Variants in PATJ observed in about 807,000 individuals in gnomAD.
The protein encoded by PATJ is inaD-like protein.
PATJ carries 190 observed loss-of-function variants against 224.9 expected under a neutral mutation model. The observed-to-expected ratio is 0.84, with a 90% CI of 0.75 to 0.95. PATJ has a LOEUF of 0.95. Ranked by LOEUF, PATJ falls within the 40% of genes least tolerant of loss-of-function variation. PATJ has a pLI of 0.00. For missense variants in PATJ, 2,121 were observed against 2,270.3 expected (o/e 0.93, Z 1.34); for synonymous variants, 769 against 820.3 (o/e 0.94, Z 1.07).
At chr1:62,114,505 T>A (rs983637976) in intron 35 of PATJ, 2 of 328,380 alleles carry the variant, frequency 6.1e-6, no homozygotes, top group Non-Finnish European at 1.1e-5. Flanking sequence ...CAAGGTTCTT[T>A]CACTTGGAAT....
intron 29 of PATJ, among the ~76,000 whole-genome samples, chr1:62,035,781 G>A (rs577077327): frequency 6.6e-6 from 1 of 152,058 alleles, no homozygotes. Context: ...GATCAGTTAG[G>A]TAAAATATGA....
At chr1:61,779,631 C>T (rs971441688) in intron 7 of PATJ, among the ~76,000 whole-genome samples, 1 of 152,102 alleles carries the variant, frequency 6.6e-6, no homozygotes. Flanking sequence ...AGATAATGAG[C>T]GTATTCATTA....
In PATJ at chr1:61,827,518, T is replaced by C. The variant is rs1658487774; in HGVS notation, c.1915T>C (p.Leu639=). Residue 639 remains leucine, a synonymous_variant, in exon 16 of 44, where the codon TTG becomes CTG. Coordinates refer to ENST00000642238, the MANE Select transcript of PATJ (RefSeq NM_001350145.3). Reference sequence around the variant, plus strand: ...TTTTACTTTGGTTTGCTGTCGGAGGTTGTTTGATGATGAAGCTTCTGTAGA... The same window carrying C: ...TTTTACTTTGGTTTGCTGTCGGAGGCTGTTTGATGATGAAGCTTCTGTAGA... ...PPFTLVCCRR[L]FDDEASVDEP... 6.2e-7 allele frequency: 1 copy of C among 1,613,748 alleles called. No homozygotes were observed. Among genetic ancestry groups the C allele is most frequent in the Non-Finnish European group, 8.5e-7 (1 of 1,179,976 alleles).
intron 31 of PATJ, among the ~76,000 whole-genome samples, chr1:62,064,114 T>C (rs1347210491): frequency 4.6e-5 from 7 of 152,204 alleles, no homozygotes; most frequent in Admixed American, 1.3e-4. Flanking sequence ...TTTTACACAA[T>C]CAATATGTTG....
At chr1:61,954,633 A>G (rs1278421211) in intron 27 of PATJ, among the ~76,000 whole-genome samples, 1 of 152,194 alleles carries the variant, frequency 6.6e-6, no homozygotes, top group Non-Finnish European at 1.5e-5. Context: ...GCTGAATGTA[A>G]TGGGGCAGGA....
At chr1:61,814,518 T>TAG (rs1655644028) in intron 14 of PATJ, among the ~76,000 whole-genome samples, 1 of 93,680 alleles carries the variant, frequency 1.1e-5, no homozygotes, top group Non-Finnish European at 2.0e-5. Flanking sequence ...GCCTTTTGTT[T>TAG]AGTGTGTGTG....
chr1:62,143,090 A>G (rs1667661082), intron 41 of PATJ, among the ~76,000 whole-genome samples: 1 of 152,056 alleles, frequency 6.6e-6, no homozygotes, highest in Non-Finnish European at 1.5e-5. Flanking sequence ...TTTGAGAAGG[A>G]TTTTGGAGGT....
intron 21 of PATJ, among the ~76,000 whole-genome samples, chr1:61,882,526 A>G (rs1156648558): frequency 6.6e-6 from 1 of 152,114 alleles, no homozygotes; most frequent in Non-Finnish European, 1.5e-5. Flanking sequence ...CTACCTGTCT[A>G]CCCTCATAAC....
chr1:62,112,313 C>G (rs968307264), intron 34 of PATJ, among the ~76,000 whole-genome samples: 1 of 152,088 alleles, frequency 6.6e-6, no homozygotes, highest in African/African-American at 2.4e-5. Flanking sequence ...CAAGACCAGC[C>G]TGGCCAACAT....
chr1:62,029,204 T>G (rs1476748528), intron 29 of PATJ, among the ~76,000 whole-genome samples: 1 of 152,218 alleles, frequency 6.6e-6, no homozygotes, highest in Non-Finnish European at 1.5e-5. Flanking sequence ...AATTTTAAGA[T>G]GAAACACACT....
rs144161025 is a variant in PATJ at position 62,073,141 on chromosome 1, G to A, written c.4126-6309G>A. ...GTTTTGCTCTTCTGGGGTTGCGTGCGTTATAGACCGGGTTCCAAAAGAAAA... is the reference window on the plus strand; with the variant it reads ...GTTTTGCTCTTCTGGGGTTGCGTGCATTATAGACCGGGTTCCAAAAGAAAA... On this transcript the variant is annotated intron_variant, in intron 31 of 43. Transcript: ENST00000642238. 4,906 of 985,364 alleles carry A rather than the reference G, an allele frequency of 5.0e-3. 23 individuals carry two copies. The highest frequency in any genetic ancestry group is 5.3e-3 in the Non-Finnish European group (4,381 of 829,924). 61.0% of individuals were successfully genotyped at this position (985,364 alleles called of 1,614,324 possible).
intron 30 of PATJ, among the ~76,000 whole-genome samples, chr1:62,042,794 G>A (rs1478096699): frequency 2.0e-5 from 3 of 152,016 alleles, no homozygotes; most frequent in South Asian, 2.1e-4. Context: ...CTATAGGCAC[G>A]TACCATCATG....
At chr1:62,035,361 G>A (rs973415478) in intron 29 of PATJ, among the ~76,000 whole-genome samples, 2 of 152,180 alleles carry the variant, frequency 1.3e-5, no homozygotes, top group African/African-American at 4.8e-5. Context: ...AAAGCATAGA[G>A]CTTGAAATGG....
rs540383075 is a variant in PATJ, at chr1:62,017,308, G to A, written c.3868-548G>A. Among the ~76,000 whole-genome samples the A allele has an allele frequency of 9.2e-5, 14 of 152,130 alleles. No homozygotes were observed. In the South Asian group the frequency reaches 2.5e-3, roughly 27 times the overall value. On this transcript the variant is annotated intron_variant, in intron 28 of 43. Transcript: ENST00000642238. The stretch of plus-strand genomic sequence containing the variant: ...GCACACCTGTCGTCCCAGCTACTCG[G>A]GAGGCTGAGGCAGGAGAATTGCTTG...
chr1:61,834,203 C>T (rs1172682681), intron 17 of PATJ, among the ~76,000 whole-genome samples: 1 of 152,040 alleles, frequency 6.6e-6, no homozygotes, highest in African/African-American at 2.4e-5. Flanking sequence ...TCTTCAACAC[C>T]CAAAAAAGAA....
chr1:61,932,599 T>C (rs1400814719), intron 27 of PATJ, among the ~76,000 whole-genome samples: 2 of 152,130 alleles, frequency 1.3e-5, no homozygotes, highest in Non-Finnish European at 2.9e-5. Flanking sequence ...AGAGGACGCT[T>C]GATAAAATAA....
At chr1:61,845,750 G>T (rs1166638955) in intron 17 of PATJ, among the ~76,000 whole-genome samples, 1 of 152,160 alleles carries the variant, frequency 6.6e-6, no homozygotes, top group East Asian at 1.9e-4. Flanking sequence ...AGAATGAAGG[G>T]CATCCTGTGA....
rs1016029688 is a variant in PATJ at position 61,979,591 on chromosome 1, T to G, written c.3671-10577T>G. Reference sequence around the variant, plus strand: ...TGGCTTGAACTCGGGAGGCGGAGATTGCAGTGAGCCAAGATCACACCACTG... The same window carrying G: ...TGGCTTGAACTCGGGAGGCGGAGATGGCAGTGAGCCAAGATCACACCACTG... On this transcript the variant is annotated intron_variant, in intron 27 of 43. Transcript: ENST00000642238. Among the ~76,000 whole-genome samples the G allele has an allele frequency of 3.3e-5, 5 of 150,138 alleles. 1 individual carries two copies. The highest frequency in any genetic ancestry group is 1.2e-4 in the African/African-American group (5 of 40,504).
chr1:62,043,820 C>G (rs1208089515), intron 30 of PATJ, among the ~76,000 whole-genome samples: 1 of 152,024 alleles, frequency 6.6e-6, no homozygotes, highest in East Asian at 1.9e-4. Context: ...CTCGACCTCC[C>G]AGGCTCAAAT....
Sources: gnomAD v4.1 joint callset for allele counts (sites outside exome capture counted in the v4.1 genomes callset) on GRCh38, gnomAD v4.1.1 for gene constraint, MANE v1.5 for transcripts, NCBI Gene and HGNC (gene_info 2026-07-23, HGNC 2026-07-21) for gene names.